Variants in NR3C1 observed in about 807,000 individuals in gnomAD.
The protein encoded by NR3C1 is nuclear receptor subfamily 3 group C member 1, also known as glucocorticoid receptor.
Under a neutral mutation model 74.0 loss-of-function variants are expected in NR3C1, and 14 were observed. That is an observed-to-expected ratio of 0.19 (90% CI 0.12 to 0.30). The LOEUF is 0.30. NR3C1 is among the 10% of genes least tolerant of loss of function. The pLI is 1.00. For synonymous variants in NR3C1, 308 were observed against 332.5 expected, an observed-to-expected ratio of 0.93 and a Z score of 0.80; for missense variants, 695 against 909.8, an observed-to-expected ratio of 0.76 and a Z score of 3.04.
chr5:143,282,777 CTT>C (rs371512572), intron 7 of NR3C1, 52 bp from the exon 8 acceptor site: 19,867 of 1,258,580 alleles, frequency 0.016, no homozygotes, highest in East Asian at 0.019. Flanking sequence ...CTTTTCTTTT[CTT>C]TTTTTTTTTT....
chr5:143,344,927 C>T (rs946470354), intron 2 of NR3C1, among the ~76,000 whole-genome samples: 6 of 152,118 alleles, frequency 3.9e-5, no homozygotes, highest in African/African-American at 1.4e-4. Flanking sequence ...GCCTGCCCAG[C>T]TCTGTCCAGG....
chr5:143,306,889 T>C (rs1413808802), intron 4 of NR3C1, among the ~76,000 whole-genome samples: 4 of 15,496 alleles, frequency 2.6e-4, no homozygotes, highest in Non-Finnish European at 5.0e-4. Context: ...TTTTTTTTTT[T>C]TTTTTTTTTT....
chr5:143,314,933 TGAA>T (rs755881249), intron 2 of NR3C1, among the ~76,000 whole-genome samples: 2 of 152,210 alleles, frequency 1.3e-5, no homozygotes, highest in Non-Finnish European at 1.5e-5. Context: ...CTGTTTGGCT[TGAA>T]GAAGAAGACA....
chr5:143,279,278 G>A lies in NR3C1; in HGVS notation c.*2611C>T. ...CTATAGTTGTCGATGAGCATCAGTT[G>A]ACTTATTATTGACAACGAAGTGCAC... On this transcript the variant is annotated 3_prime_UTR_variant, in exon 9 of 9. Coordinates refer to ENST00000394464, the MANE Select transcript of NR3C1 (RefSeq NM_000176.3). The A allele has an allele frequency of 6.9e-7, 1 of 1,455,654 alleles. No homozygotes were observed. Among genetic ancestry groups the A allele is most frequent in the East Asian group, 2.5e-5 (1 of 39,392 alleles). 90.2% of individuals were successfully genotyped at this position (1,455,654 alleles called of 1,614,324 possible).
chr5:143,404,613 G>A (rs1840962285), upstream of NR3C1: 2 of 580,300 alleles, frequency 3.4e-6, no homozygotes, highest in Admixed American at 1.4e-4. Context: ...CGCCCAATGT[G>A]CTCACACTCG....
chr5:143,397,117 G>A (rs1312025264), intron 2 of NR3C1, among the ~76,000 whole-genome samples: 3 of 151,724 alleles, frequency 2.0e-5, no homozygotes, highest in South Asian at 2.1e-4. Flanking sequence ...ATAATTCAAT[G>A]TTGTGGTGGA....
chr5:143,329,563 A>AT (rs1324218271), intron 2 of NR3C1, among the ~76,000 whole-genome samples: 1 of 152,126 alleles, frequency 6.6e-6, no homozygotes, highest in African/African-American at 2.4e-5. Flanking sequence ...CTGCTGCTTT[A>AT]TTTTTTTGCA....
At chr5:143,363,313 G>A (rs910171750) in intron 2 of NR3C1, among the ~76,000 whole-genome samples, 1 of 152,138 alleles carries the variant, frequency 6.6e-6, no homozygotes, top group African/African-American at 2.4e-5. Flanking sequence ...CTGGGGAGGG[G>A]AGACAGTCTG....
At chr5:143,425,027 A>G (rs1751459333) in intron 1 of NR3C1, among the ~76,000 whole-genome samples, 1 of 152,206 alleles carries the variant, frequency 6.6e-6, no homozygotes, top group Non-Finnish European at 1.5e-5. Context: ...AAGACAGTGT[A>G]GTACTGGCAT....
Position 143,399,742 on chromosome 5 carries a change from C to T in NR3C1, c.1098G>A (p.Arg366=). Residue 366 remains arginine, a synonymous_variant, in exon 2 of 9, where the codon AGG becomes AGA. Coordinates refer to ENST00000394464, the MANE Select transcript of NR3C1 (RefSeq NM_000176.3). ...AGTTGTCATCTCCAGATCCTTGGCA[C>T]CTATTCCAATTTTCGGAACCAACGG... The part of the protein sequence containing the change: ...PIPVGSENWN[R]CQGSGDDNLT... The T allele has an allele frequency of 6.2e-7, 1 of 1,614,134 alleles. No homozygotes were observed. Among genetic ancestry groups the T allele is most frequent in the Non-Finnish European group, 8.5e-7 (1 of 1,180,010 alleles).
intron 2 of NR3C1, among the ~76,000 whole-genome samples, chr5:143,337,733 A>G (rs1237717974): frequency 6.6e-6 from 1 of 152,250 alleles, no homozygotes; most frequent in Non-Finnish European, 1.5e-5. Context: ...AATGACATAT[A>G]TAATATTCTA....
At chr5:143,285,480 A>G (rs1599667804) in intron 7 of NR3C1, among the ~76,000 whole-genome samples, 2 of 152,348 alleles carry the variant, frequency 1.3e-5, no homozygotes. Flanking sequence ...AAGAACTTGC[A>G]TTCTTTTCAA....
chr5:143,334,319 T>C (rs1042773159), intron 2 of NR3C1, among the ~76,000 whole-genome samples: 91 of 152,086 alleles, frequency 6.0e-4, no homozygotes, highest in African/African-American at 1.5e-3. Flanking sequence ...GAGGTGGAAG[T>C]TGCAGTGAGC....
At chr5:143,350,029 CAA>C (rs1234886194) in intron 2 of NR3C1, among the ~76,000 whole-genome samples, 1 of 152,034 alleles carries the variant, frequency 6.6e-6, no homozygotes, top group Admixed American at 6.6e-5. Flanking sequence ...CAGCATTATG[CAA>C]AGACACAGAG....
intron 2 of NR3C1, among the ~76,000 whole-genome samples, chr5:143,379,645 C>T (rs1410620930): frequency 6.6e-6 from 1 of 152,168 alleles, no homozygotes; most frequent in Admixed American, 6.5e-5. Context: ...TTGCTTTGAC[C>T]AATAGAATGT....
At chr5:143,384,166 G>T (rs1836756918) in intron 2 of NR3C1, among the ~76,000 whole-genome samples, 1 of 152,100 alleles carries the variant, frequency 6.6e-6, no homozygotes, top group South Asian at 2.1e-4. Context: ...AAACAACCAG[G>T]TCTCATGAGA....
chr5:143,370,041 G>A (rs949736051), intron 2 of NR3C1, among the ~76,000 whole-genome samples: 1 of 152,140 alleles, frequency 6.6e-6, no homozygotes, highest in Non-Finnish European at 1.5e-5. Context: ...ATTCATAGAA[G>A]AGCAGATTAA....
In NR3C1 at chr5:143,401,034, C is replaced by A. The variant is rs1230342718; in HGVS notation, c.-13-182G>T. Among the ~76,000 whole-genome samples the A allele has an allele frequency of 2.0e-5, 3 of 152,208 alleles. No individual in the cohort carries two copies. The East Asian group carries it at 5.8e-4, about 29-fold the overall frequency. ...AGAATAAAAAGCCATGTCCCCTGCTCCCATTCAGCATGCCACATTTAAAAG... is the reference window on the plus strand; with the variant it reads ...AGAATAAAAAGCCATGTCCCCTGCTACCATTCAGCATGCCACATTTAAAAG... On this transcript the variant is annotated intron_variant, in intron 1 of 8. Coordinates refer to ENST00000394464, the MANE Select transcript of NR3C1 (RefSeq NM_000176.3).
intron 7 of NR3C1, 106 bp from the exon 8 acceptor site, chr5:143,282,831 G>T: frequency 2.4e-6 from 3 of 1,253,972 alleles, no homozygotes; most frequent in South Asian, 1.3e-5. Flanking sequence ...CCAGGCTGGA[G>T]TGCAGTGGCA....
Sources: allele counts gnomAD v4.1 joint callset (sites outside exome capture counted in the v4.1 genomes callset), GRCh38; gene constraint gnomAD v4.1.1; transcripts MANE v1.5; gene names NCBI Gene and HGNC (gene_info 2026-07-23, HGNC 2026-07-21).